The following MIPEP variants were observed in gnomAD, a reference collection of about 807,000 sequenced individuals.
MIPEP encodes the protein mitochondrial intermediate peptidase.
A neutral mutation model predicts 90.3 loss-of-function variants in MIPEP; 79 were observed. The ratio of observed to expected loss-of-function variants is 0.87; its 90% confidence interval spans 0.73 to 1.05. MIPEP has a LOEUF of 1.05. Among genes scored for constraint, MIPEP ranks in the 50% least tolerant of loss-of-function variants. The probability of loss-of-function intolerance (pLI) is 0.00; values close to 1 mark genes in which losing one functional copy is unlikely to be tolerated. For missense variants in MIPEP, 940 were observed against 905.6 expected (o/e 1.04, Z -0.49); for synonymous variants, 334 against 315.8 (o/e 1.06, Z -0.61).
At chr13:23,783,833 A>G (rs1489960298) in intron 16 of MIPEP, among the ~76,000 whole-genome samples, 1 of 152,198 alleles carries the variant, frequency 6.6e-6, no homozygotes, top group Non-Finnish European at 1.5e-5. Flanking sequence ...CCAAATCATG[A>G]GTGAACTCCC....
intron 4 of MIPEP, 111 bp downstream of exon 4, chr13:23,879,157 G>A: frequency 1.4e-6 from 1 of 701,956 alleles, no homozygotes; most frequent in Non-Finnish European, 2.5e-6. Flanking sequence ...GATACCTGGG[G>A]AGGAACATTC....
chr13:23,816,430 C>T (rs1953238491), intron 14 of MIPEP, among the ~76,000 whole-genome samples: 1 of 152,126 alleles, frequency 6.6e-6, no homozygotes, highest in Non-Finnish European at 1.5e-5. Context: ...TCACTGATTC[C>T]TTCCCTAGTT....
chr13:23,874,331 A>T (rs1870962832), intron 5 of MIPEP, among the ~76,000 whole-genome samples: 1 of 152,210 alleles, frequency 6.6e-6, no homozygotes, highest in African/African-American at 2.4e-5. Flanking sequence ...GCCATTTGTT[A>T]GTTAGGATGG....
In MIPEP at chr13:23,886,398, G is replaced by C. The variant is rs377359295; in HGVS notation, c.298C>G (p.Pro100Ala). The C allele has an allele frequency of 8.1e-6, 13 of 1,607,812 alleles. No homozygotes were observed. The African/African-American group carries it at 1.7e-4, about 22-fold the overall frequency. ...AAGATCAGCACGGTCTGGGGCCCAG[G>C]TGGGGTGGAACATGCACGGTCCACA... ...LLVDRACSTP[P>A]GPQTVLIFDE... Residue 100 changes from proline (P) to alanine (A), a missense_variant, in exon 2 of 19, where the codon CCT (proline) becomes GCT (alanine). Pro to Ala is a conservative substitution (Grantham distance 27). Transcript: ENST00000382172.
intron 2 of MIPEP, among the ~76,000 whole-genome samples, chr13:23,885,101 A>G (rs1871419845): frequency 6.6e-6 from 1 of 152,256 alleles, no homozygotes; most frequent in Non-Finnish European, 1.5e-5. Context: ...ACTTACACAC[A>G]ATGGAATGCT....
chr13:23,752,033 A>G (rs1840786453), intron 18 of MIPEP, among the ~76,000 whole-genome samples: 1 of 152,210 alleles, frequency 6.6e-6, no homozygotes, highest in Non-Finnish European at 1.5e-5. Flanking sequence ...TCAGAATGTA[A>G]GGATCAACAG....
At chr13:23,755,637 TATAA>T (rs1439634316) in intron 18 of MIPEP, among the ~76,000 whole-genome samples, 4 of 152,216 alleles carry the variant, frequency 2.6e-5, no homozygotes, top group African/African-American at 7.2e-5. Context: ...CATATCTTCC[TATAA>T]ATATTTGTAA....
intron 18 of MIPEP, among the ~76,000 whole-genome samples, chr13:23,748,855 T>G (rs909971381): frequency 2.0e-5 from 3 of 152,194 alleles, no homozygotes; most frequent in African/African-American, 7.2e-5. Context: ...GCTGGCTCAG[T>G]CAGGCAGAAC....
intron 18 of MIPEP, among the ~76,000 whole-genome samples, chr13:23,747,816 C>T (rs915164419): frequency 6.6e-6 from 1 of 152,206 alleles, no homozygotes; most frequent in Non-Finnish European, 1.5e-5. Context: ...TTTCGGCTCA[C>T]CACAACCTCT....
chr13:23,810,423 C>A (rs1033162269), intron 14 of MIPEP, among the ~76,000 whole-genome samples: 1 of 152,156 alleles, frequency 6.6e-6, no homozygotes, highest in Non-Finnish European at 1.5e-5. Context: ...ATTTTCTTTT[C>A]GAATCTGAAA....
chr13:23,786,068 T>TA (rs889360273), intron 16 of MIPEP, among the ~76,000 whole-genome samples: 2 of 150,822 alleles, frequency 1.3e-5, no homozygotes, highest in Admixed American at 6.6e-5. Context: ...AAAACAGTAA[T>TA]AAAAAAAAAT....
chr13:23,777,041 G>A (rs576568743), intron 16 of MIPEP, among the ~76,000 whole-genome samples: 1 of 152,080 alleles, frequency 6.6e-6, no homozygotes, highest in Non-Finnish European at 1.5e-5. Flanking sequence ...ACAGTTCAAG[G>A]ACAGATTAAA....
chr13:23,841,304 T>C lies in MIPEP; in HGVS notation c.1260+31A>G, dbSNP rs2274344. The C allele has an allele frequency of 0.23, 362,660 of 1,583,648 alleles. 44,349 individuals carry two copies. Among genetic ancestry groups the C allele is most frequent in the Non-Finnish European group, 0.25 (292,006 of 1,167,874 alleles). ...ACTGCCCAACCGAAAGGTAAATGCC[T>C]GCAACTGCAGGCTGAGCAGGAGGAG... On this transcript the variant is annotated intron_variant, in intron 11 of 18. Transcript: ENST00000382172.
chr13:23,808,575 A>C lies in MIPEP; in HGVS notation c.1728+1275T>G, dbSNP rs371595571. On this transcript the variant is annotated intron_variant, in intron 15 of 18. Transcript: ENST00000382172. ...TGTTTTTGGAGGGCGGAGGAGGGAAAGGTTGGTTTTCCATTTTAAAAGAAA... is the reference window on the plus strand; with the variant it reads ...TGTTTTTGGAGGGCGGAGGAGGGAACGGTTGGTTTTCCATTTTAAAAGAAA... Among the ~76,000 whole-genome samples, 8 of 152,296 alleles carry C rather than the reference A, an allele frequency of 5.3e-5. No homozygotes were observed. In the East Asian group the frequency reaches 1.2e-3, roughly 22 times the overall value.
chr13:23,804,301 T>G (rs758327137), intron 16 of MIPEP, among the ~76,000 whole-genome samples: 3 of 152,218 alleles, frequency 2.0e-5, no homozygotes, highest in Non-Finnish European at 4.4e-5. Context: ...TCTCCTAATG[T>G]TAGTCTTCCT....
At chr13:23,792,914 C>A (rs144145133) in intron 16 of MIPEP, among the ~76,000 whole-genome samples, 94 of 152,292 alleles carry the variant, frequency 6.2e-4, no homozygotes, top group African/African-American at 2.1e-3. Flanking sequence ...TGAGATCATT[C>A]TCCATGCTCC....
intron 16 of MIPEP, among the ~76,000 whole-genome samples, chr13:23,780,230 C>T (rs981804550): frequency 4.6e-5 from 7 of 152,176 alleles, no homozygotes; most frequent in Non-Finnish European, 8.8e-5. Context: ...ACACCTCACA[C>T]GGCCGGGTAC....
chr13:23,839,135 T>G (rs1264801287), intron 12 of MIPEP, among the ~76,000 whole-genome samples: 1 of 152,242 alleles, frequency 6.6e-6, no homozygotes, highest in African/African-American at 2.4e-5. Context: ...AAGGAGCTAC[T>G]TGGTGGTTGG....
intron 10 of MIPEP, among the ~76,000 whole-genome samples, chr13:23,845,477 C>G (rs1869496574): frequency 6.6e-6 from 1 of 152,164 alleles, no homozygotes; most frequent in Admixed American, 6.5e-5. Flanking sequence ...GAAAATGCAT[C>G]CCGTTAGGCC....
Sources: allele counts gnomAD v4.1 joint callset (sites outside exome capture counted in the v4.1 genomes callset), GRCh38; gene constraint gnomAD v4.1.1; transcripts MANE v1.5; gene names NCBI Gene and HGNC (gene_info 2026-07-23, HGNC 2026-07-21).